The following TRPM3 variants were observed in gnomAD, a reference collection of about 807,000 sequenced individuals.
TRPM3 encodes the protein long transient receptor potential channel 3.
In TRPM3, 77 loss-of-function variants were observed where a neutral mutation model predicts 181.2. The observed-to-expected ratio is 0.42, with a 90% CI of 0.35 to 0.51. The LOEUF (loss-of-function observed/expected upper bound fraction) is 0.51, where lower values mean the gene tolerates loss of function less well. Among genes scored for constraint, TRPM3 ranks in the 20% least tolerant of loss-of-function variants. TRPM3 has a pLI of 0.01. For synonymous variants in TRPM3, 745 were observed against 796.4 expected (o/e 0.94, Z 1.09); for missense variants, 1,759 against 2,196.7 (o/e 0.80, Z 3.98).
chr9:71,106,417 G>A (rs1230178310), intron 1 of TRPM3, among the ~76,000 whole-genome samples: 1 of 152,012 alleles, frequency 6.6e-6, no homozygotes, highest in Non-Finnish European at 1.5e-5. Flanking sequence ...CACAGATCTG[G>A]TTGTTTAAAT....
chr9:70,613,049 A>AAAAC (rs1351173910), intron 18 of TRPM3, among the ~76,000 whole-genome samples: 1 of 152,218 alleles, frequency 6.6e-6, no homozygotes, highest in African/African-American at 2.4e-5. Context: ...CACTGCATTC[A>AAAAC]AAACAAAAGC....
intron 25 of TRPM3, among the ~76,000 whole-genome samples, chr9:70,544,486 C>G (rs555559669): frequency 6.6e-6 from 1 of 152,200 alleles, no homozygotes; most frequent in Admixed American, 6.5e-5. Flanking sequence ...AATGTGAATA[C>G]TTAGCTGGCT....
At position 71,421,009 on chromosome 9, in the gene TRPM3, A is replaced by AAAG. The variant is rs1563912773; in HGVS notation, c.183+25643_183+25644insCTT. ...AAAAAGAGAGAGAAAAAGAGAGAAAAAGAGAGAAAAAGAGAGAAAAAGAAA... is the reference window on the plus strand; with the variant it reads ...AAAAAGAGAGAGAAAAAGAGAGAAAAAAGAGAGAGAAAAAGAGAGAAAAAGAAA... On this transcript the variant is annotated intron_variant, in intron 1 of 24. Coordinates refer to the TRPM3 transcript ENST00000357533. 1.9e-3 allele frequency among the ~76,000 whole-genome samples: 245 copies of AAAG among 126,676 alleles called. 6 individuals are homozygous for AAAG. Among genetic ancestry groups the AAAG allele is most frequent in the African/African-American group, 7.1e-3 (239 of 33,568 alleles). 83.1% of individuals were successfully genotyped at this position (126,676 alleles called of 152,430 possible).
chr9:71,161,795 G>C (rs1251293720), intron 1 of TRPM3, among the ~76,000 whole-genome samples: 1 of 152,106 alleles, frequency 6.6e-6, no homozygotes, highest in Non-Finnish European at 1.5e-5. Context: ...CAAAAGGAGA[G>C]TCTTAATAAT....
At chr9:71,408,258 A>G (rs113486194) in intron 1 of TRPM3, among the ~76,000 whole-genome samples, 5,236 of 152,262 alleles carry the variant, frequency 0.034, 177 homozygotes, top group African/African-American at 0.093. Flanking sequence ...CGACTTTGAC[A>G]AGTTGACAGA....
At chr9:71,306,963 T>C (rs1927938) in intron 1 of TRPM3, among the ~76,000 whole-genome samples, 116,355 of 152,206 alleles carry the variant, frequency 0.76, 45,472 homozygotes, top group Non-Finnish European at 0.84. Context: ...CTGTAAAATA[T>C]CTTTGACATT....
chr9:71,401,202 A>G (rs1472258817), intron 1 of TRPM3, among the ~76,000 whole-genome samples: 2 of 151,526 alleles, frequency 1.3e-5, no homozygotes, highest in Admixed American at 6.6e-5. Context: ...CATCGCAAAA[A>G]AAAAAAAAAA....
chr9:70,871,329 C>T (rs968779666), intron 1 of TRPM3, among the ~76,000 whole-genome samples: 3 of 151,966 alleles, frequency 2.0e-5, no homozygotes, highest in African/African-American at 7.2e-5. Flanking sequence ...AACCCTTCAT[C>T]TGAATTACTT....
chr9:70,760,086 C>T (rs1478499416), intron 8 of TRPM3, among the ~76,000 whole-genome samples: 2 of 152,008 alleles, frequency 1.3e-5, no homozygotes, highest in Admixed American at 6.6e-5. Flanking sequence ...TCAGCAGAGA[C>T]CACGATTAAA....
At chr9:70,916,512 G>A (rs189072596) in intron 1 of TRPM3, among the ~76,000 whole-genome samples, 39 of 152,224 alleles carry the variant, frequency 2.6e-4, no homozygotes, top group Admixed American at 2.5e-3. Flanking sequence ...AAGTTAAGGT[G>A]TAGAGTTTCT....
At chr9:70,813,150 C>A (rs17554439) in intron 6 of TRPM3, among the ~76,000 whole-genome samples, 4,544 of 152,162 alleles carry the variant, frequency 0.03, 92 homozygotes, top group Middle Eastern at 0.058. Context: ...GAAAGCAATG[C>A]GCTAAGTGAT....
intron 1 of TRPM3, among the ~76,000 whole-genome samples, chr9:71,232,489 G>C: frequency 1.1e-5 from 1 of 89,962 alleles, no homozygotes; most frequent in Non-Finnish European, 2.2e-5. Flanking sequence ...TGAATTCAGT[G>C]TCTTTTTTTT....
rs1321281833 is a variant in TRPM3, at chr9:71,211,155, A to C, written c.183+235498T>G. 2.0e-5 allele frequency among the ~76,000 whole-genome samples: 3 copies of C among 152,166 alleles called. No individual in the cohort carries two copies. In the East Asian group the frequency reaches 5.8e-4, roughly 29 times the overall value. On this transcript the variant is annotated intron_variant, in intron 1 of 24. Transcript: ENST00000357533. ...GATTAGAAATCAGACAGGTAGAAAA[A>C]AAATACAGTACATTCAAGCTAGTCA...
chr9:70,669,266 C>T (rs1357401223), intron 9 of TRPM3, among the ~76,000 whole-genome samples: 4 of 152,228 alleles, frequency 2.6e-5, no homozygotes, highest in Admixed American at 2.6e-4. Context: ...TAACTCTATT[C>T]AGCTTTCAGA....
chr9:71,188,154 A>G (rs932848116), intron 1 of TRPM3, among the ~76,000 whole-genome samples: 1 of 151,840 alleles, frequency 6.6e-6, no homozygotes, highest in Non-Finnish European at 1.5e-5. Flanking sequence ...CGTCCTAAAT[A>G]ACACTTTTGC....
rs542633519 is a variant in TRPM3 at position 70,595,714 on chromosome 9, C to G, written c.3048+2705G>C. Among the ~76,000 whole-genome samples, 49 of 152,266 alleles carry G rather than the reference C, an allele frequency of 3.2e-4. No individual in the cohort carries two copies. In the Middle Eastern group the frequency reaches 0.014, roughly 42 times the overall value. On this transcript the variant is annotated intron_variant, in intron 21 of 25. Transcript: ENST00000677713. ...GGTCCACAGATCCTACCTCCTGAGC[C>G]CTATCCCTTGACTCTAAATCTAGAC...
intron 1 of TRPM3, among the ~76,000 whole-genome samples, chr9:70,943,992 C>T (rs1284821788): frequency 6.6e-6 from 1 of 152,204 alleles, no homozygotes; most frequent in African/African-American, 2.4e-5. Flanking sequence ...ACTGGTAAGG[C>T]TGGTCTCGAA....
At position 70,810,054 on chromosome 9, in the gene TRPM3, T is replaced by C. The variant is rs1158935835; in HGVS notation, c.973+17793A>G. The C allele has an allele frequency of 9.4e-6, 5 of 534,458 alleles. No individual in the cohort carries two copies. The African/African-American group carries it at 9.6e-5, about 10-fold the overall frequency. The allele number at this position is 534,458 out of a possible 1,614,324, so 33.1% of individuals were successfully genotyped here. A position where few individuals can be genotyped will look rare whatever the true frequency, so the allele number is the denominator to read the frequency against. Reference sequence around the variant, plus strand: ...TCAGGCATAGGATGACAAAGGGAAGTCCACGAGTCACATGAAGAAAGACTG... The same window carrying C: ...TCAGGCATAGGATGACAAAGGGAAGCCCACGAGTCACATGAAGAAAGACTG... On this transcript the variant is annotated intron_variant, in intron 6 of 25. Coordinates refer to ENST00000677713, the MANE Select transcript of TRPM3 (RefSeq NM_001366145.2).
chr9:71,327,578 T>C (rs990914298), intron 1 of TRPM3, among the ~76,000 whole-genome samples: 8 of 152,026 alleles, frequency 5.3e-5, no homozygotes, highest in Non-Finnish European at 1.2e-4. Context: ...CACGTAATGG[T>C]TTTCAACCTA....
Sources: gnomAD v4.1 joint callset for allele counts (sites outside exome capture counted in the v4.1 genomes callset) on GRCh38, gnomAD v4.1.1 for gene constraint, MANE v1.5 for transcripts, NCBI Gene and HGNC (gene_info 2026-07-23, HGNC 2026-07-21) for gene names.